The following CDH13 variants were observed in gnomAD, a reference collection of about 807,000 sequenced individuals.
CDH13 encodes the protein cadherin-13.
A neutral mutation model predicts 63.8 loss-of-function variants in CDH13; 24 were observed. The ratio of observed to expected loss-of-function variants is 0.38; its 90% CI spans 0.27 to 0.53. The LOEUF is 0.53. Ranked by LOEUF, CDH13 falls within the 20% of genes least tolerant of loss-of-function variation. The pLI is 0.85. For missense variants in CDH13, 1,049 were observed against 903.1 expected (o/e 1.16, Z -2.07); for synonymous variants, 503 against 355.3 (o/e 1.42, Z -4.67).
chr16:83,783,691 T>A (rs1234301642), intron 13 of CDH13, among the ~76,000 whole-genome samples: 1 of 152,178 alleles, frequency 6.6e-6, no homozygotes, highest in African/African-American at 2.4e-5. Context: ...GTCTGAGGGA[T>A]TGTGCAAAGG....
intron 7 of CDH13, among the ~76,000 whole-genome samples, chr16:83,549,022 G>C (rs528643732): frequency 2.2e-4 from 33 of 152,280 alleles, no homozygotes; most frequent in African/African-American, 7.9e-4. Flanking sequence ...TTTCTTCCCT[G>C]TGTGGCTGTG....
chr16:83,601,787 A>C (rs1231046173), intron 7 of CDH13, among the ~76,000 whole-genome samples: 2 of 152,116 alleles, frequency 1.3e-5, no homozygotes, highest in Non-Finnish European at 2.9e-5. Flanking sequence ...GCAGATATGG[A>C]TGTAAACATT....
At chr16:83,434,227 C>T (rs1342442036) in intron 6 of CDH13, among the ~76,000 whole-genome samples, 1 of 152,068 alleles carries the variant, frequency 6.6e-6, no homozygotes. Flanking sequence ...CAAGATGGAC[C>T]CCATTAGGGC....
At chr16:83,540,755 C>T (rs953421943) in intron 7 of CDH13, among the ~76,000 whole-genome samples, 4 of 152,110 alleles carry the variant, frequency 2.6e-5, no homozygotes, top group African/African-American at 9.7e-5. Flanking sequence ...CGGCAGTCAG[C>T]CACAGCTGGA....
intron 7 of CDH13, among the ~76,000 whole-genome samples, chr16:83,567,196 A>C (rs368586826): frequency 6.6e-6 from 1 of 152,244 alleles, no homozygotes; most frequent in Non-Finnish European, 1.5e-5. Flanking sequence ...CCCAGTGCCC[A>C]GTCATGGCTC....
chr16:83,744,225 G>A (rs753223434), intron 10 of CDH13, among the ~76,000 whole-genome samples: 22 of 152,288 alleles, frequency 1.4e-4, no homozygotes, highest in Admixed American at 1.2e-3. Context: ...GTCAGGGCCC[G>A]TGTTAGGCTC....
At chr16:83,579,635 G>A (rs1347064005) in intron 7 of CDH13, among the ~76,000 whole-genome samples, 2 of 152,036 alleles carry the variant, frequency 1.3e-5, no homozygotes, top group African/African-American at 4.8e-5. Flanking sequence ...TGAGATTTGG[G>A]CGGTGACCCA....
intron 2 of CDH13, among the ~76,000 whole-genome samples, chr16:82,993,816 A>G (rs751167514): frequency 6.6e-6 from 1 of 152,156 alleles, no homozygotes; most frequent in Non-Finnish European, 1.5e-5. Context: ...CTGAAACGTC[A>G]TTTTGACAGG....
At chr16:82,685,211 A>T (rs1914940123) in intron 1 of CDH13, among the ~76,000 whole-genome samples, 1 of 152,222 alleles carries the variant, frequency 6.6e-6, no homozygotes, top group African/African-American at 2.4e-5. Flanking sequence ...GCTTAAAAAC[A>T]ATGAATGCTC....
At chr16:83,209,337 C>A (rs1330772289) in intron 4 of CDH13, among the ~76,000 whole-genome samples, 2 of 152,174 alleles carry the variant, frequency 1.3e-5, no homozygotes, top group African/African-American at 4.8e-5. Flanking sequence ...AGGAAGGAGC[C>A]TCCAGGTCGG....
intron 9 of CDH13, among the ~76,000 whole-genome samples, chr16:83,675,784 G>T (rs1008806114): frequency 6.6e-5 from 10 of 152,076 alleles, no homozygotes; most frequent in Non-Finnish European, 1.2e-4. Context: ...AAAAAATAGG[G>T]AATTTAAAAG....
intron 5 of CDH13, among the ~76,000 whole-genome samples, chr16:83,287,745 A>G (rs146719801): frequency 1.3e-5 from 2 of 152,316 alleles, no homozygotes; most frequent in African/African-American, 4.8e-5. Flanking sequence ...TGCTTGAATC[A>G]TCCCCAAGTC....
chr16:83,544,821 A>G (rs918913104), intron 7 of CDH13, among the ~76,000 whole-genome samples: 3 of 152,178 alleles, frequency 2.0e-5, no homozygotes, highest in Admixed American at 6.5e-5. Context: ...TAACAGTTCA[A>G]AGGGTATCTA....
intron 7 of CDH13, among the ~76,000 whole-genome samples, chr16:83,556,945 A>T (rs2075615342): frequency 6.6e-6 from 1 of 152,164 alleles, no homozygotes; most frequent in South Asian, 2.1e-4. Flanking sequence ...GACAACTCTC[A>T]ACCGATTTTC....
At position 83,465,093 on chromosome 16, in the gene CDH13, C is replaced by T. The variant is rs373842478; in HGVS notation, c.782-21384C>T. 1.2e-4 allele frequency among the ~76,000 whole-genome samples: 19 copies of T among 152,282 alleles called. No individual in the cohort carries two copies. In the East Asian group the frequency reaches 3.5e-3, roughly 28 times the overall value. On this transcript the variant is annotated intron_variant, in intron 6 of 13. Transcript: ENST00000567109. ...GTGACAGAAGGCGGCAGACAAAGTCCCCCCATCACATTTGGCAAAGAGGGT... is the reference window on the plus strand; with the variant it reads ...GTGACAGAAGGCGGCAGACAAAGTCTCCCCATCACATTTGGCAAAGAGGGT...
In CDH13 at chr16:83,795,099, A is replaced by G; in HGVS notation, c.*69A>G. The stretch of plus-strand genomic sequence containing the variant: ...ACAGGAAAAAAAAAAATCTATCCAA[A>G]TCTGAAGATTGCGGTTTACAGCTAT... On this transcript the variant is annotated 3_prime_UTR_variant, in exon 14 of 14. Coordinates refer to ENST00000567109, the MANE Select transcript of CDH13 (RefSeq NM_001257.5). 2 of 1,396,560 alleles carry G rather than the reference A, an allele frequency of 1.4e-6. No homozygotes were observed. 86.5% of individuals were successfully genotyped at this position (1,396,560 alleles called of 1,614,324 possible).
intron 3 of CDH13, among the ~76,000 whole-genome samples, chr16:83,117,965 C>G (rs552699977): frequency 6.6e-6 from 1 of 152,292 alleles, no homozygotes; most frequent in African/African-American, 2.4e-5. Context: ...AAGATGAAGA[C>G]CTTGCTTAGC....
rs147049968 is a variant in CDH13 at position 83,118,334 on chromosome 16, T to C, written c.367-7051T>C. Among the ~76,000 whole-genome samples the C allele has an allele frequency of 1.6e-3, 242 of 152,320 alleles. 1 individual carries two copies. The highest frequency in any genetic ancestry group is 5.5e-3 in the African/African-American group (228 of 41,578). On this transcript the variant is annotated intron_variant, in intron 3 of 13. Transcript: ENST00000567109. ...TCCGTGGGTCTAGGCAGCTGATGCATGTCTGTTGCATGTACATCTGCTCGT... is the reference window on the plus strand; with the variant it reads ...TCCGTGGGTCTAGGCAGCTGATGCACGTCTGTTGCATGTACATCTGCTCGT...
intron 6 of CDH13, among the ~76,000 whole-genome samples, chr16:83,377,533 T>G (rs1465181173): frequency 2.0e-5 from 3 of 152,220 alleles, no homozygotes; most frequent in Non-Finnish European, 2.9e-5. Context: ...CCCATAGTAG[T>G]ATTATTTCAC....
Sources: gnomAD v4.1 joint callset for allele counts (sites outside exome capture counted in the v4.1 genomes callset) on GRCh38, gnomAD v4.1.1 for gene constraint, MANE v1.5 for transcripts, NCBI Gene and HGNC (gene_info 2026-07-23, HGNC 2026-07-21) for gene names.